Variants in CNTN3 observed in about 807,000 individuals in gnomAD.
CNTN3 encodes contactin 3, also known as contactin-3.
Under a neutral mutation model 119.1 loss-of-function variants are expected in CNTN3, and 60 were observed. The observed-to-expected ratio is 0.50, with a 90% CI of 0.41 to 0.62. CNTN3 has a LOEUF of 0.62. CNTN3 is among the 20% of genes least tolerant of loss of function. The pLI is 0.00. For missense variants in CNTN3, 1,101 were observed against 1,242.4 expected (o/e 0.89, Z 1.71); for synonymous variants, 450 against 438.7 (o/e 1.03, Z -0.32).
chr3:74,554,013 A>G (rs2107164762), intron 1 of CNTN3, among the ~76,000 whole-genome samples: 1 of 152,230 alleles, frequency 6.6e-6, no homozygotes, highest in Admixed American at 6.5e-5. Context: ...CCTGAATGGT[A>G]TTGCACAGAT....
chr3:74,299,883 A>T lies in CNTN3; in HGVS notation c.2151T>A (p.Leu717=). ...VNGGGGSRSE[L]VITWDPVPEE... ...AAACACTTACATCCCAGGTTATCACAAGTTCAGACCGGCTTCCGCCTCCTC... is the reference window on the plus strand; with the variant it reads ...AAACACTTACATCCCAGGTTATCACTAGTTCAGACCGGCTTCCGCCTCCTC... Residue 717 remains leucine, a synonymous_variant, in exon 17 of 23, where the codon CTT becomes CTA. Transcript: ENST00000263665. The T allele has an allele frequency of 6.2e-7, 1 of 1,606,750 alleles. No homozygotes were observed. The highest frequency in any genetic ancestry group is 8.5e-7 in the Non-Finnish European group (1 of 1,176,836).
At chr3:74,513,452 A>G (rs1703402394) in intron 2 of CNTN3, among the ~76,000 whole-genome samples, 1 of 152,140 alleles carries the variant, frequency 6.6e-6, no homozygotes, top group Non-Finnish European at 1.5e-5. Flanking sequence ...CCATTTATAA[A>G]ATGGCAGCCT....
chr3:74,604,082 A>G (rs186958771), intron 1 of CNTN3, among the ~76,000 whole-genome samples: 1 of 152,324 alleles, frequency 6.6e-6, no homozygotes, highest in African/African-American at 2.4e-5. Context: ...AGTCTCTTCA[A>G]TACATGGTGT....
intron 4 of CNTN3, among the ~76,000 whole-genome samples, chr3:74,432,371 C>T (rs1240372399): frequency 6.8e-6 from 1 of 147,330 alleles, no homozygotes; most frequent in Non-Finnish European, 1.5e-5. Flanking sequence ...TTAACACTAA[C>T]AAGAGCCAAT....
chr3:74,543,773 G>A (rs927513780), intron 1 of CNTN3, among the ~76,000 whole-genome samples: 28 of 152,030 alleles, frequency 1.8e-4, no homozygotes, highest in Admixed American at 1.8e-3. Flanking sequence ...TGACTTCACA[G>A]CCCCATTTTC....
chr3:74,293,076 G>A (rs891328384), intron 19 of CNTN3, among the ~76,000 whole-genome samples: 1 of 152,146 alleles, frequency 6.6e-6, no homozygotes, highest in African/African-American at 2.4e-5. Context: ...TCTCTGTCAA[G>A]ACCAGTGTTT....
intron 1 of CNTN3, among the ~76,000 whole-genome samples, chr3:74,586,315 G>T (rs1411341929): frequency 6.6e-6 from 1 of 152,094 alleles, no homozygotes; most frequent in African/African-American, 2.4e-5. Flanking sequence ...TAAAATGAGA[G>T]ACTGAAGGGA....
intron 20 of CNTN3, among the ~76,000 whole-genome samples, chr3:74,273,723 G>A (rs576946876): frequency 6.6e-6 from 1 of 152,144 alleles, no homozygotes; most frequent in African/African-American, 2.4e-5. Context: ...CCTTCGGGAG[G>A]GTGGCCAGAG....
At chr3:74,266,381 T>C in intron 22 of CNTN3, 100 bp downstream of exon 22, 1 of 1,242,490 alleles carries the variant, frequency 8.0e-7, no homozygotes, top group South Asian at 1.6e-5. Context: ...ATGTAAGCCT[T>C]GCTGGAAAGA....
At position 74,457,073 on chromosome 3, in the gene CNTN3, G is replaced by A. The variant is rs186430240; in HGVS notation, c.358+29383C>T. Among the ~76,000 whole-genome samples the A allele has an allele frequency of 3.9e-5, 6 of 151,976 alleles. No homozygotes were observed. The East Asian group carries it at 1.2e-3, about 29-fold the overall frequency. ...TTATTAAAATGTCATATTTTATAAA[G>A]TTCTATGAAAAAACAAAATTCAGAT... is the stretch of plus-strand genomic sequence containing the variant. On this transcript the variant is annotated intron_variant, in intron 4 of 22. Coordinates refer to ENST00000263665, the MANE Select transcript of CNTN3 (RefSeq NM_020872.3).
At chr3:74,460,179 T>A (rs576544146) in intron 4 of CNTN3, among the ~76,000 whole-genome samples, 1 of 152,170 alleles carries the variant, frequency 6.6e-6, no homozygotes, top group African/African-American at 2.4e-5. Context: ...TAATCCTTAA[T>A]ATCTGCTCAA....
At chr3:74,482,769 G>T (rs775886149) in intron 4 of CNTN3, among the ~76,000 whole-genome samples, 2 of 152,132 alleles carry the variant, frequency 1.3e-5, no homozygotes, top group African/African-American at 4.8e-5. Flanking sequence ...CCATTTGCCT[G>T]CAGCAAAGAC....
chr3:74,480,035 G>A (rs775246345), intron 4 of CNTN3, among the ~76,000 whole-genome samples: 2 of 152,000 alleles, frequency 1.3e-5, no homozygotes, highest in Non-Finnish European at 2.9e-5. Flanking sequence ...ACTCATCTCT[G>A]GATATCCTTT....
intron 9 of CNTN3, 109 bp from the exon 10 acceptor site, chr3:74,364,705 G>T: frequency 1.1e-6 from 1 of 901,620 alleles, no homozygotes; most frequent in Non-Finnish European, 1.7e-6. Context: ...TTTTCTGAGA[G>T]TATTAGACAG....
chr3:74,383,012 T>C (rs1704659383), intron 5 of CNTN3, among the ~76,000 whole-genome samples: 3 of 152,208 alleles, frequency 2.0e-5, no homozygotes, highest in Admixed American at 2.0e-4. Flanking sequence ...TCTGATCAAT[T>C]AAAGATTTAC....
At chr3:74,450,286 C>G (rs796682852) in intron 4 of CNTN3, among the ~76,000 whole-genome samples, 3 of 152,012 alleles carry the variant, frequency 2.0e-5, no homozygotes, top group African/African-American at 7.2e-5. Flanking sequence ...AGAAGGAAAT[C>G]TAAGAAAAAT....
intron 1 of CNTN3, among the ~76,000 whole-genome samples, chr3:74,583,455 C>T (rs1436678026): frequency 6.6e-6 from 1 of 151,874 alleles, no homozygotes; most frequent in Non-Finnish European, 1.5e-5. Context: ...AGCAAAACAG[C>T]GAGGCTCTAA....
intron 4 of CNTN3, among the ~76,000 whole-genome samples, chr3:74,480,154 A>G (rs1308438764): frequency 6.6e-6 from 1 of 152,016 alleles, no homozygotes; most frequent in Non-Finnish European, 1.5e-5. Flanking sequence ...ATATGAATCA[A>G]CTGGAAACTG....
chr3:74,520,511 G>T (rs1027040060), intron 2 of CNTN3, among the ~76,000 whole-genome samples: 3 of 151,098 alleles, frequency 2.0e-5, no homozygotes, highest in African/African-American at 7.3e-5. Flanking sequence ...TACAACAAAT[G>T]ATTTGTAATA....
Sources: allele counts gnomAD v4.1 joint callset (sites outside exome capture counted in the v4.1 genomes callset), GRCh38; gene constraint gnomAD v4.1.1; transcripts MANE v1.5; gene names NCBI Gene and HGNC (gene_info 2026-07-23, HGNC 2026-07-21).